RIMS1: variants seen among roughly 807,000 people sequenced by gnomAD.
RIMS1 encodes the protein regulating synaptic membrane exocytosis 1, also known as regulating synaptic membrane exocytosis protein 1.
In RIMS1, 83 loss-of-function variants were observed where a neutral mutation model predicts 214.1. The observed-to-expected ratio is 0.39, with a 90% CI of 0.32 to 0.47. The LOEUF is 0.47. Ranked by LOEUF, RIMS1 falls within the 20% of genes least tolerant of loss-of-function variation. The probability of loss-of-function intolerance (pLI) is 0.99; values close to 1 mark genes in which losing one functional copy is unlikely to be tolerated. For missense variants in RIMS1, 2,050 were observed against 2,161.8 expected (o/e 0.95, Z 1.03); for synonymous variants, 793 against 786.8 (o/e 1.01, Z -0.13).
At chr6:72,098,596 A>C (rs1376895508) in intron 3 of RIMS1, among the ~76,000 whole-genome samples, 3 of 151,630 alleles carry the variant, frequency 2.0e-5, no homozygotes, top group Non-Finnish European at 2.9e-5. Flanking sequence ...CACCTGGCCG[A>C]TCAATATATC....
At chr6:71,887,317 C>A in intron 1 of RIMS1, 130 bp downstream of exon 1, 1 of 1,198,754 alleles carries the variant, frequency 8.3e-7, no homozygotes, top group East Asian at 2.6e-5. Context: ...ACGGAGGCGC[C>A]CGCCTTGGGC....
At chr6:72,034,288 T>C (rs1818956979) in intron 2 of RIMS1, among the ~76,000 whole-genome samples, 1 of 152,192 alleles carries the variant, frequency 6.6e-6, no homozygotes, top group South Asian at 2.1e-4. Flanking sequence ...TAAAAAGTTA[T>C]TCTTTGTTTA....
chr6:72,352,993 T>TC (rs2097513922), intron 29 of RIMS1, among the ~76,000 whole-genome samples: 1 of 141,874 alleles, frequency 7.0e-6, no homozygotes, highest in Non-Finnish European at 1.5e-5. Context: ...CTTTTTTTTT[T>TC]TTTTTTTTTT....
intron 4 of RIMS1, among the ~76,000 whole-genome samples, chr6:72,123,843 T>G (rs1219907183): frequency 1.3e-5 from 2 of 151,864 alleles, no homozygotes; most frequent in African/African-American, 4.8e-5. Flanking sequence ...TCCTCCATCC[T>G]TTTATTTTGA....
chr6:71,972,729 G>A (rs1405159042), intron 2 of RIMS1, among the ~76,000 whole-genome samples: 1 of 152,072 alleles, frequency 6.6e-6, no homozygotes, highest in Non-Finnish European at 1.5e-5. Flanking sequence ...ATATAAATGA[G>A]ATAGAATCTT....
intron 4 of RIMS1, among the ~76,000 whole-genome samples, chr6:72,115,511 G>A (rs573602230): frequency 2.2e-4 from 33 of 151,722 alleles, no homozygotes; most frequent in Non-Finnish European, 4.6e-4. Flanking sequence ...TTTGGTTAAT[G>A]CATTAGAAAG....
intron 26 of RIMS1, among the ~76,000 whole-genome samples, chr6:72,298,882 C>T (rs938518453): frequency 1.3e-5 from 2 of 151,936 alleles, no homozygotes; most frequent in Non-Finnish European, 2.9e-5. Context: ...ACAAAGCTAA[C>T]AAAGATAACA....
intron 4 of RIMS1, 62 bp from the exon 5 acceptor site, chr6:72,179,513 A>C: frequency 8.3e-7 from 1 of 1,207,174 alleles, no homozygotes; most frequent in Non-Finnish European, 1.2e-6. Context: ...ATATTTTAAG[A>C]TACTGAAAAA....
chr6:71,888,887 T>A (rs929086382), intron 1 of RIMS1, among the ~76,000 whole-genome samples: 69 of 152,222 alleles, frequency 4.5e-4, no homozygotes, highest in African/African-American at 1.7e-3. Context: ...TGCCTGTCCC[T>A]AGTGGAAGAA....
chr6:72,259,427 T>A (rs2077082210), intron 18 of RIMS1, among the ~76,000 whole-genome samples: 1 of 152,124 alleles, frequency 6.6e-6, no homozygotes, highest in African/African-American at 2.4e-5. Flanking sequence ...TTTTCAAATA[T>A]TTTATTTATT....
At chr6:72,139,073 C>G (rs1045724475) in intron 4 of RIMS1, among the ~76,000 whole-genome samples, 6 of 152,044 alleles carry the variant, frequency 3.9e-5, no homozygotes, top group African/African-American at 1.4e-4. Flanking sequence ...TAGATACACA[C>G]ACGTAGGTAT....
chr6:71,996,461 C>T (rs1347567892), intron 2 of RIMS1, among the ~76,000 whole-genome samples: 1 of 152,170 alleles, frequency 6.6e-6, no homozygotes, highest in East Asian at 1.9e-4. Context: ...ATCAAACTTA[C>T]AATTGCTAAA....
At chr6:71,959,874 G>T (rs2151234582) in intron 1 of RIMS1, among the ~76,000 whole-genome samples, 1 of 152,146 alleles carries the variant, frequency 6.6e-6, no homozygotes, top group African/African-American at 2.4e-5. Context: ...AATAAATTTT[G>T]TAATTTGGGT....
chr6:71,918,787 A>G (rs75315186), intron 1 of RIMS1, among the ~76,000 whole-genome samples: 1,947 of 152,250 alleles, frequency 0.013, 34 homozygotes, highest in African/African-American at 0.043. Context: ...AGGACAGTTC[A>G]TGCATTGAAA....
At chr6:71,907,095 G>A (rs1270443318) in intron 1 of RIMS1, among the ~76,000 whole-genome samples, 1 of 152,180 alleles carries the variant, frequency 6.6e-6, no homozygotes, top group Non-Finnish European at 1.5e-5. Context: ...GGAATACACA[G>A]AAGTTGGGTG....
intron 1 of RIMS1, among the ~76,000 whole-genome samples, chr6:71,938,121 T>C (rs1784991969): frequency 2.0e-5 from 3 of 152,198 alleles, no homozygotes; most frequent in African/African-American, 7.2e-5. Context: ...TGGTCCCAAG[T>C]AAGTCGAAAA....
intron 2 of RIMS1, among the ~76,000 whole-genome samples, chr6:71,984,777 C>G (rs62409466): frequency 0.23 from 6,733 of 28,936 alleles, 216 homozygotes; most frequent in Non-Finnish European, 0.31. Flanking sequence ...ATGTACATAT[C>G]TATCTATCTA....
intron 6 of RIMS1, among the ~76,000 whole-genome samples, chr6:72,231,217 T>G (rs2061848093): frequency 6.6e-6 from 1 of 151,714 alleles, no homozygotes; most frequent in African/African-American, 2.4e-5. Flanking sequence ...TTCAGTAATA[T>G]CTTTCAAACA....
chr6:71,997,940 A>T (rs980594516), intron 2 of RIMS1, among the ~76,000 whole-genome samples: 1 of 152,146 alleles, frequency 6.6e-6, no homozygotes, highest in African/African-American at 2.4e-5. Flanking sequence ...GTGGAATAAT[A>T]TAAAAATGTA....
Sources: gnomAD v4.1 joint callset for allele counts (sites outside exome capture counted in the v4.1 genomes callset) on GRCh38, gnomAD v4.1.1 for gene constraint, MANE v1.5 for transcripts, NCBI Gene and HGNC (gene_info 2026-07-23, HGNC 2026-07-21) for gene names.